Variants in HIVEP3 observed in about 807,000 individuals in gnomAD.
HIVEP3 encodes the protein transcription factor HIVEP3.
A neutral mutation model predicts 152.8 loss-of-function variants in HIVEP3; 49 were observed. The observed-to-expected ratio is 0.32, with a 90% CI of 0.26 to 0.41. The LOEUF is 0.41. Among genes scored for constraint, HIVEP3 ranks in the 10% least tolerant of loss-of-function variants. HIVEP3 has a pLI of 1.00. For missense variants in HIVEP3, 2,790 were observed against 3,103.3 expected (o/e 0.90, Z 2.40); for synonymous variants, 1,269 against 1,289.0 (o/e 0.98, Z 0.33).
chr1:41,996,340 T>C (rs1163375121), intron 1 of HIVEP3, among the ~76,000 whole-genome samples: 1 of 150,302 alleles, frequency 6.7e-6, no homozygotes, highest in Non-Finnish European at 1.5e-5. Context: ...CAGTGAGCTA[T>C]GATCATGTCA....
chr1:42,017,920 G>A (rs1204552407), intron 1 of HIVEP3, among the ~76,000 whole-genome samples: 1 of 152,014 alleles, frequency 6.6e-6, no homozygotes, highest in African/African-American at 2.4e-5. Context: ...GTTGTTCCAT[G>A]TTCTTGTCAA....
chr1:41,744,919 AG>A (rs939452895), intron 1 of HIVEP3, among the ~76,000 whole-genome samples: 1 of 152,176 alleles, frequency 6.6e-6, no homozygotes, highest in Non-Finnish European at 1.5e-5. Flanking sequence ...TGGGAGAGGA[AG>A]GTCTCTGATT....
At chr1:41,974,876 T>A (rs1645251181) in intron 1 of HIVEP3, among the ~76,000 whole-genome samples, 1 of 152,136 alleles carries the variant, frequency 6.6e-6, no homozygotes, top group Non-Finnish European at 1.5e-5. Flanking sequence ...GAGTAGCAGA[T>A]GCTCTGGTGC....
intron 1 of HIVEP3, among the ~76,000 whole-genome samples, chr1:41,829,201 G>C (rs1320426358): frequency 6.6e-6 from 1 of 152,200 alleles, no homozygotes; most frequent in Non-Finnish European, 1.5e-5. Context: ...CTTCGATATG[G>C]CATGCTTACT....
At chr1:41,541,006 G>A (rs1485673629) in intron 5 of HIVEP3, among the ~76,000 whole-genome samples, 1 of 152,200 alleles carries the variant, frequency 6.6e-6, no homozygotes, top group East Asian at 1.9e-4. Flanking sequence ...AAACAGGAAG[G>A]AAGGGAGGGT....
rs2149044419 is a variant in HIVEP3 at position 41,507,346 on chromosome 1, T to A, written c.*3105A>T. 1 of 152,078 alleles carries A rather than the reference T, an allele frequency of 6.6e-6. No individual in the cohort carries two copies. Among genetic ancestry groups the A allele is most frequent in the East Asian group, 1.9e-4 (1 of 5,182 alleles). The allele number at this position is 152,078 out of a possible 1,614,324, so 9.4% of individuals were successfully genotyped here. A position where few individuals can be genotyped will look rare whatever the true frequency, so the allele number is the denominator to read the frequency against. On this transcript the variant is annotated 3_prime_UTR_variant, in exon 9 of 9. Transcript: ENST00000372583. ...AGGGTTGCAGGGGTTGAGCCCAGAG[T>A]GAGAGCCACAGGTGCGGGCGGGAGC...
At chr1:41,529,606 T>A (rs1569771285) in intron 5 of HIVEP3, among the ~76,000 whole-genome samples, 1 of 60,062 alleles carries the variant, frequency 1.7e-5, no homozygotes. Flanking sequence ...ATACATACAC[T>A]CACATCACTC....
intron 1 of HIVEP3, among the ~76,000 whole-genome samples, chr1:41,864,062 C>T (rs963248954): frequency 6.6e-6 from 1 of 152,112 alleles, no homozygotes; most frequent in Non-Finnish European, 1.5e-5. Flanking sequence ...AAGTGGCAGC[C>T]CCTCCTGGCT....
At chr1:41,976,768 G>A (rs2124507503) in intron 1 of HIVEP3, among the ~76,000 whole-genome samples, 1 of 152,296 alleles carries the variant, frequency 6.6e-6, no homozygotes, top group South Asian at 2.1e-4. Flanking sequence ...AAGGGGAAAT[G>A]TGAACATAGA....
At position 41,510,382 on chromosome 1, in the gene HIVEP3, C is replaced by A; in HGVS notation, c.*69G>T. The stretch of plus-strand genomic sequence containing the variant: ...ATGGGGCTGAGGAAGTGGGATGATT[C>A]GAGGAAAGTGGCTGGAAACGTCTGT... On this transcript the variant is annotated 3_prime_UTR_variant, in exon 9 of 9. Coordinates refer to ENST00000372583, the MANE Select transcript of HIVEP3 (RefSeq NM_024503.5). 7.6e-7 allele frequency: 1 copy of A among 1,319,114 alleles called. No individual in the cohort carries two copies. Among genetic ancestry groups the A allele is most frequent in the East Asian group, 2.8e-5 (1 of 35,296 alleles). The allele number at this position is 1,319,114 out of a possible 1,614,324, so 81.7% of individuals were successfully genotyped here.
At chr1:41,951,279 T>A (rs1225269220) in intron 1 of HIVEP3, among the ~76,000 whole-genome samples, 1 of 152,248 alleles carries the variant, frequency 6.6e-6, no homozygotes, top group East Asian at 1.9e-4. Flanking sequence ...ATAGAGTTCA[T>A]AACATAATGT....
intron 5 of HIVEP3, among the ~76,000 whole-genome samples, chr1:41,534,281 G>T (rs867741956): frequency 6.6e-6 from 1 of 152,028 alleles, no homozygotes; most frequent in African/African-American, 2.4e-5. Flanking sequence ...GGCAGGAAAG[G>T]CCCAGGGCAC....
At chr1:42,028,317 C>T (rs1427471806) in intron 1 of HIVEP3, among the ~76,000 whole-genome samples, 1 of 152,124 alleles carries the variant, frequency 6.6e-6, no homozygotes, top group Non-Finnish European at 1.5e-5. Context: ...ATAGTAAGTG[C>T]TCAGTAAATA....
chr1:41,575,576 C>G lies in HIVEP3; in HGVS notation c.5175G>C (p.Gly1725=), dbSNP rs770873112. The part of the protein sequence containing the change: ...PEEDAPASQR[G]EPARIKIFEG... ...CGAAGATTTTGATCCTCGCCGGCTC[C>G]CCTCTCTGGGAGGCAGGAGCATCCT... The change falls in exon 5 of 9, where the codon GGG becomes GGC. Residue 1725 remains glycine, a synonymous_variant. Transcript: ENST00000372583. 1 of 1,614,130 alleles carries G rather than the reference C, an allele frequency of 6.2e-7. No homozygotes were observed. The highest frequency in any genetic ancestry group is 1.1e-5 in the South Asian group (1 of 91,072).
In HIVEP3 at chr1:41,510,849, G is replaced by A. The variant is rs867499433; in HGVS notation, c.6823C>T (p.Pro2275Ser). Residue 2275 changes from proline (P) to serine (S), a missense_variant, in exon 9 of 9, where the codon CCC becomes TCC. Coordinates refer to ENST00000372583, the MANE Select transcript of HIVEP3 (RefSeq NM_024503.5). ...CCGCCGGTCCTCTCCCTCTCCTTGG[G>A]GTAGTCCCCGCCCTCCAGCTCTGAG... The part of the protein sequence containing the change: ...LSSELEGGDY[P>S]KERERTGGGP... 1 of 1,613,236 alleles carries A rather than the reference G, an allele frequency of 6.2e-7. No individual in the cohort carries two copies. The highest frequency in any genetic ancestry group is 1.3e-5 in the African/African-American group (1 of 75,034).
At chr1:41,654,086 T>C (rs17364164) in intron 2 of HIVEP3, among the ~76,000 whole-genome samples, 5,512 of 151,886 alleles carry the variant, frequency 0.036, 173 homozygotes, top group Middle Eastern at 0.095. Context: ...ATTATATAGA[T>C]ATATAGTCAC....
intron 3 of HIVEP3, among the ~76,000 whole-genome samples, chr1:41,589,676 G>T (rs1351435434): frequency 6.6e-6 from 1 of 152,144 alleles, no homozygotes; most frequent in African/African-American, 2.4e-5. Context: ...GCTCTAGACT[G>T]AGGAGCTGGG....
intron 1 of HIVEP3, among the ~76,000 whole-genome samples, chr1:41,871,683 C>T (rs180875911): frequency 5.9e-5 from 9 of 152,298 alleles, no homozygotes; most frequent in East Asian, 1.9e-4. Flanking sequence ...TCACTATCTA[C>T]GTGAAACATT....
chr1:41,557,284 C>A (rs963942207), intron 5 of HIVEP3, among the ~76,000 whole-genome samples: 1 of 152,028 alleles, frequency 6.6e-6, no homozygotes, highest in Non-Finnish European at 1.5e-5. Context: ...GGAGTGACAC[C>A]CTGGGAGGAG....
Sources: allele counts gnomAD v4.1 joint callset (sites outside exome capture counted in the v4.1 genomes callset), GRCh38; gene constraint gnomAD v4.1.1; transcripts MANE v1.5; gene names NCBI Gene and HGNC (gene_info 2026-07-23, HGNC 2026-07-21).